Variants in TMEM132C observed in about 807,000 individuals in gnomAD.
TMEM132C encodes the protein transmembrane protein 132C.
In TMEM132C, 29 loss-of-function variants were observed where a neutral mutation model predicts 61.4. The observed-to-expected ratio is 0.47, with a 90% confidence interval of 0.35 to 0.64. The LOEUF is 0.64. Ranked by LOEUF, TMEM132C falls within the 30% of genes least tolerant of loss-of-function variation. The pLI is 0.00. For missense variants in TMEM132C, 1,408 were observed against 1,476.9 expected (o/e 0.95, Z 0.76); for synonymous variants, 656 against 633.1 (o/e 1.04, Z -0.54).
chr12:128,350,628 G>A (rs1283145685), intron 1 of TMEM132C, among the ~76,000 whole-genome samples: 1 of 152,040 alleles, frequency 6.6e-6, no homozygotes, highest in South Asian at 2.1e-4. Flanking sequence ...GGATGCATCA[G>A]GGACATGGGC....
Position 128,662,665 on chromosome 12 carries a change from C to T in TMEM132C, c.1306-6752C>T, listed in dbSNP as rs571000558. Among the ~76,000 whole-genome samples the T allele has an allele frequency of 8.9e-4, 135 of 152,312 alleles. 3 individuals carry two copies. The highest frequency in any genetic ancestry group is 3.1e-3 in the African/African-American group (129 of 41,568). On this transcript the variant is annotated intron_variant, in intron 4 of 8. Coordinates refer to ENST00000435159, the MANE Select transcript of TMEM132C (RefSeq NM_001136103.3). Reference sequence around the variant, plus strand: ...ATAGACTAAGGATAACACAACTACCCGCTTCATGGGTTTGGGGTAGCGGTG... The same window carrying T: ...ATAGACTAAGGATAACACAACTACCTGCTTCATGGGTTTGGGGTAGCGGTG...
chr12:128,473,325 C>A (rs368525271), intron 2 of TMEM132C, among the ~76,000 whole-genome samples: 1 of 63,516 alleles, frequency 1.6e-5, no homozygotes, highest in East Asian at 5.3e-4. Context: ...CCTCTATCTT[C>A]ATCTTCAGTC....
intron 1 of TMEM132C, among the ~76,000 whole-genome samples, chr12:128,391,230 G>C (rs1184120523): frequency 6.6e-6 from 1 of 152,226 alleles, no homozygotes; most frequent in East Asian, 1.9e-4. Context: ...ACTCCACTCT[G>C]GCGGCTGGCC....
intron 4 of TMEM132C, among the ~76,000 whole-genome samples, chr12:128,665,400 C>T (rs1954449834): frequency 6.6e-6 from 1 of 151,168 alleles, no homozygotes; most frequent in Non-Finnish European, 1.5e-5. Flanking sequence ...CACAGGCACT[C>T]ACACATACAC....
intron 3 of TMEM132C, among the ~76,000 whole-genome samples, chr12:128,556,923 G>A (rs537074352): frequency 9.9e-5 from 15 of 152,240 alleles, no homozygotes; most frequent in African/African-American, 3.6e-4. Flanking sequence ...CAGAAACAAT[G>A]AAAAACAATA....
At chr12:128,676,213 G>T (rs1954585326) in intron 5 of TMEM132C, among the ~76,000 whole-genome samples, 1 of 151,992 alleles carries the variant, frequency 6.6e-6, no homozygotes, top group African/African-American at 2.4e-5. Flanking sequence ...GCATTGCCCT[G>T]TCTTTTAACG....
intron 2 of TMEM132C, among the ~76,000 whole-genome samples, chr12:128,485,584 G>T (rs1871463586): frequency 7.1e-6 from 1 of 141,838 alleles, no homozygotes; most frequent in Non-Finnish European, 1.5e-5. Flanking sequence ...CCACTACTGG[G>T]GAGTGGGGTG....
chr12:128,497,175 C>G (rs992632871), intron 2 of TMEM132C, among the ~76,000 whole-genome samples: 1 of 152,226 alleles, frequency 6.6e-6, no homozygotes, highest in African/African-American at 2.4e-5. Flanking sequence ...ATGTTGCTGC[C>G]TGATCGTTCC....
intron 1 of TMEM132C, among the ~76,000 whole-genome samples, chr12:128,319,811 G>A (rs1345058193): frequency 6.6e-6 from 1 of 150,410 alleles, no homozygotes; most frequent in Non-Finnish European, 1.5e-5. Context: ...GGGTGACAGA[G>A]TGAGACTCCA....
intron 2 of TMEM132C, among the ~76,000 whole-genome samples, chr12:128,444,489 A>T (rs1483655139): frequency 6.6e-6 from 1 of 152,150 alleles, no homozygotes; most frequent in Admixed American, 6.5e-5. Flanking sequence ...GCAGGCAGGG[A>T]GGGAGCAGAC....
At chr12:128,400,391 C>T (rs2136009205) in intron 1 of TMEM132C, among the ~76,000 whole-genome samples, 1 of 152,274 alleles carries the variant, frequency 6.6e-6, no homozygotes, top group African/African-American at 2.4e-5. Flanking sequence ...GAGGGACCTT[C>T]TTTCCCAGAA....
intron 2 of TMEM132C, among the ~76,000 whole-genome samples, chr12:128,451,448 C>T (rs757338950): frequency 4.6e-5 from 7 of 152,006 alleles, no homozygotes; most frequent in African/African-American, 1.4e-4. Flanking sequence ...TGTGAGTCTC[C>T]GCCTGCTACC....
chr12:128,674,677 TTTTTTCA>T (rs1391680543), intron 5 of TMEM132C, among the ~76,000 whole-genome samples: 2 of 152,172 alleles, frequency 1.3e-5, no homozygotes, highest in Non-Finnish European at 2.9e-5. Flanking sequence ...CCTTTATTTA[TTTTTTCA>T]TTTTTCCATA....
chr12:128,695,505 A>G (rs905475404), intron 6 of TMEM132C, among the ~76,000 whole-genome samples: 1 of 152,216 alleles, frequency 6.6e-6, no homozygotes, highest in Admixed American at 6.5e-5. Context: ...CCTGGACAAC[A>G]GAGCAAGACC....
chr12:128,589,117 C>T (rs373070417), intron 3 of TMEM132C, among the ~76,000 whole-genome samples: 1 of 152,100 alleles, frequency 6.6e-6, no homozygotes, highest in East Asian at 1.9e-4. Flanking sequence ...ACCAGGTTGT[C>T]ATGTCGGTTC....
chr12:128,693,784 G>T (rs761238436), intron 5 of TMEM132C, 45 bp from the exon 6 acceptor site: 5 of 1,544,074 alleles, frequency 3.2e-6, no homozygotes, highest in Admixed American at 2.0e-5. Flanking sequence ...TGTCTCCAAG[G>T]CTCCATGAAC....
intron 4 of TMEM132C, among the ~76,000 whole-genome samples, chr12:128,627,956 TAGGTGCAGGTGCAGGTGCAGGTTC>T (rs1344821305): frequency 6.6e-6 from 1 of 152,186 alleles, no homozygotes; most frequent in African/African-American, 2.4e-5. Context: ...GATGTAGGTG[TAGGTGCAGGTGCAGGTGCAGGTTC>T]AGGTGCAGGT....
chr12:128,508,005 G>A (rs1872433923), intron 2 of TMEM132C, among the ~76,000 whole-genome samples: 1 of 152,114 alleles, frequency 6.6e-6, no homozygotes, highest in South Asian at 2.1e-4. Flanking sequence ...CCATGATGTG[G>A]CTGTACTAAC....
chr12:128,557,547 G>A (rs1874371223), intron 3 of TMEM132C, among the ~76,000 whole-genome samples: 1 of 152,146 alleles, frequency 6.6e-6, no homozygotes, highest in African/African-American at 2.4e-5. Flanking sequence ...TCCTCCCCCT[G>A]AAACCATGCC....
Sources: allele counts gnomAD v4.1 joint callset (sites outside exome capture counted in the v4.1 genomes callset), GRCh38; gene constraint gnomAD v4.1.1; transcripts MANE v1.5; gene names NCBI Gene and HGNC (gene_info 2026-07-23, HGNC 2026-07-21).